The following ENPP3 variants were observed in gnomAD, a reference collection of about 807,000 sequenced individuals.
ENPP3 encodes the protein ectonucleotide pyrophosphatase/phosphodiesterase family member 3.
A neutral mutation model predicts 117.8 loss-of-function variants in ENPP3; 104 were observed. The ratio of observed to expected loss-of-function variants is 0.88; its 90% confidence interval spans 0.75 to 1.04. The LOEUF (loss-of-function observed/expected upper bound fraction) is 1.04, where lower values mean the gene tolerates loss of function less well. Ranked by LOEUF, ENPP3 falls within the 50% of genes least tolerant of loss-of-function variation. ENPP3 has a pLI of 0.00. For missense variants in ENPP3, 1,026 were observed against 1,051.9 expected, an observed-to-expected ratio of 0.98 and a Z score of 0.34; for synonymous variants, 380 against 349.9, an observed-to-expected ratio of 1.09 and a Z score of -0.96.
At chr6:131,666,391 T>A (rs1315183160) in intron 6 of ENPP3, among the ~76,000 whole-genome samples, 1 of 152,202 alleles carries the variant, frequency 6.6e-6, no homozygotes, top group Non-Finnish European at 1.5e-5. Context: ...TGGTTGCCCA[T>A]TTTTCCTCCC....
In ENPP3 at chr6:131,740,314, C is replaced by T. The variant is rs777387463; in HGVS notation, c.2391C>T (p.Cys797=). 2.1e-5 allele frequency: 34 copies of T among 1,613,078 alleles called. No individual in the cohort carries two copies. Among genetic ancestry groups the T allele is most frequent in the Non-Finnish European group, 2.9e-5 (34 of 1,179,444 alleles). The change falls in exon 24 of 25, where the codon TGC becomes TGT. Residue 797 remains cysteine (C), a synonymous_variant. Transcript: ENST00000357639. ...ACAAGAGCCACACACCGGAAAACTG[C>T]CCTGGGTGGCTGGATGTCCTACCCT... ...CKNKSHTPEN[C]PGWLDVLPFI... is the part of the protein sequence containing the mutation.
chr6:131,647,993 T>C (rs1778185452), intron 2 of ENPP3, among the ~76,000 whole-genome samples: 2 of 151,178 alleles, frequency 1.3e-5, no homozygotes, highest in African/African-American at 4.9e-5. Context: ...CTTTCTGTCT[T>C]TCTTTATCTC....
chr6:131,680,004 A>G (rs952639328), intron 11 of ENPP3, among the ~76,000 whole-genome samples: 1 of 152,200 alleles, frequency 6.6e-6, no homozygotes, highest in African/African-American at 2.4e-5. Flanking sequence ...AGGTCCTTGC[A>G]GTCTAGAAAA....
intron 15 of ENPP3, among the ~76,000 whole-genome samples, chr6:131,697,705 A>G (rs144628855): frequency 7.5e-4 from 114 of 152,160 alleles, no homozygotes; most frequent in Non-Finnish European, 1.3e-3. Flanking sequence ...TCACCCTCCT[A>G]TGAGAATCTA....
At chr6:131,675,523 G>A (rs1413015313) in intron 9 of ENPP3, 3 of 186,416 alleles carry the variant, frequency 1.6e-5, no homozygotes, top group South Asian at 2.2e-4. Context: ...CCCACCAGAG[G>A]GATTCCTTTA....
rs540933310 is a variant in ENPP3 at position 131,731,201 on chromosome 6, T to A, written c.1954-2387T>A. Among the ~76,000 whole-genome samples the A allele has an allele frequency of 1.1e-4, 17 of 152,312 alleles. 1 individual carries two copies. The highest frequency in any genetic ancestry group is 2.0e-4 in the Admixed American group (3 of 15,296). Reference sequence around the variant, plus strand: ...GAGTTTTCTTCTGGCTTCTGCATTGTCTCTTTTTCTTCTCCCTTATTCCCC... The same window carrying A: ...GAGTTTTCTTCTGGCTTCTGCATTGACTCTTTTTCTTCTCCCTTATTCCCC... On this transcript the variant is annotated intron_variant, in intron 20 of 24. Transcript: ENST00000357639.
intron 19 of ENPP3, among the ~76,000 whole-genome samples, chr6:131,725,398 A>G (rs1012405333): frequency 1.4e-4 from 22 of 152,112 alleles, no homozygotes; most frequent in African/African-American, 4.8e-4. Flanking sequence ...GATTCCTCAT[A>G]AAGGGCCTTC....
intron 20 of ENPP3, among the ~76,000 whole-genome samples, chr6:131,730,276 A>G (rs536287424): frequency 6.6e-6 from 1 of 152,272 alleles, no homozygotes; most frequent in South Asian, 2.1e-4. Context: ...CAACATACTT[A>G]CGTAGCCCTT....
chr6:131,638,600 T>C (rs1777976413), intron 1 of ENPP3: 1 of 371,448 alleles, frequency 2.7e-6, no homozygotes, highest in South Asian at 2.0e-5. Flanking sequence ...TTTCTTTTCT[T>C]TTTTTTGTAG....
chr6:131,669,306 T>C (rs1047938988), intron 6 of ENPP3, among the ~76,000 whole-genome samples: 3 of 152,216 alleles, frequency 2.0e-5, no homozygotes, highest in Admixed American at 6.5e-5. Context: ...TTTAATCTTA[T>C]GTTTTATAAA....
chr6:131,702,264 C>T (rs1285813687), intron 15 of ENPP3, among the ~76,000 whole-genome samples: 4 of 151,270 alleles, frequency 2.6e-5, no homozygotes, highest in Non-Finnish European at 4.4e-5. Flanking sequence ...TAATTAAGGG[C>T]GGGCTATACT....
intron 24 of ENPP3, among the ~76,000 whole-genome samples, chr6:131,745,840 CG>C (rs1157958589): frequency 6.6e-6 from 1 of 152,068 alleles, no homozygotes; most frequent in African/African-American, 2.4e-5. Context: ...TGTACTCGGC[CG>C]GGTGCGGTGG....
intron 19 of ENPP3, 57 bp from the exon 20 acceptor site, chr6:131,725,989 C>A: frequency 8.0e-7 from 1 of 1,243,790 alleles, no homozygotes; most frequent in Non-Finnish European, 1.2e-6. Context: ...TTATTACATG[C>A]AAAGAAGCAT....
At chr6:131,668,219 T>G (rs1476092868) in intron 6 of ENPP3, among the ~76,000 whole-genome samples, 12 of 143,322 alleles carry the variant, frequency 8.4e-5, no homozygotes, top group Non-Finnish European at 1.5e-4. Context: ...TTTTTTTTTT[T>G]TTTTTTTTTT....
intron 6 of ENPP3, among the ~76,000 whole-genome samples, chr6:131,668,926 A>G (rs1017254821): frequency 6.6e-6 from 1 of 152,240 alleles, no homozygotes; most frequent in Non-Finnish European, 1.5e-5. Flanking sequence ...GTTCAAGGGC[A>G]GGTAATACAA....
chr6:131,745,347 C>T (rs1002968542), intron 24 of ENPP3, among the ~76,000 whole-genome samples: 28 of 151,946 alleles, frequency 1.8e-4, no homozygotes, highest in African/African-American at 6.3e-4. Flanking sequence ...TTTCCTCTTA[C>T]TCTTCCTCTG....
At chr6:131,724,476 T>C (rs916595278) in intron 19 of ENPP3, among the ~76,000 whole-genome samples, 2 of 152,186 alleles carry the variant, frequency 1.3e-5, no homozygotes, top group East Asian at 3.8e-4. Flanking sequence ...GTAATAACCG[T>C]ACTCACCTCA....
intron 18 of ENPP3, 38 bp from the exon 19 acceptor site, chr6:131,724,002 T>C (rs1337987990): frequency 2.0e-6 from 3 of 1,520,410 alleles, no homozygotes; most frequent in Non-Finnish European, 2.7e-6. Flanking sequence ...TTGCTTTGAC[T>C]TATTTCCTCC....
At chr6:131,670,528 T>C (rs903088749) in intron 6 of ENPP3, among the ~76,000 whole-genome samples, 1 of 152,194 alleles carries the variant, frequency 6.6e-6, no homozygotes, top group Non-Finnish European at 1.5e-5. Flanking sequence ...TTTCATTCTG[T>C]CACCCAGGCT....
Sources: allele counts gnomAD v4.1 joint callset (sites outside exome capture counted in the v4.1 genomes callset), GRCh38; gene constraint gnomAD v4.1.1; transcripts MANE v1.5; gene names NCBI Gene and HGNC (gene_info 2026-07-23, HGNC 2026-07-21).